Variants in ASTN1 observed in about 807,000 individuals in gnomAD.
ASTN1 encodes astrotactin-1.
Under a neutral mutation model 140.7 loss-of-function variants are expected in ASTN1, and 41 were observed. The ratio of observed to expected loss-of-function variants is 0.29; its 90% CI spans 0.23 to 0.38. The LOEUF is 0.38. Among genes scored for constraint, ASTN1 ranks in the 10% least tolerant of loss-of-function variants. ASTN1 has a pLI of 1.00. For synonymous variants in ASTN1, 640 were observed against 652.2 expected, an observed-to-expected ratio of 0.98 and a Z score of 0.29; for missense variants, 1,479 against 1,678.8, an observed-to-expected ratio of 0.88 and a Z score of 2.08.
At chr1:176,964,033 A>G (rs1184996707) in intron 9 of ASTN1, among the ~76,000 whole-genome samples, 3 of 152,192 alleles carry the variant, frequency 2.0e-5, no homozygotes. Flanking sequence ...AGCACGCCTA[A>G]TAGAACACTG....
chr1:177,023,618 C>T (rs372315887), intron 6 of ASTN1, 47 bp from the exon 7 acceptor site: 5 of 1,492,982 alleles, frequency 3.3e-6, no homozygotes, highest in Admixed American at 2.5e-5. Context: ...CAACACAGCA[C>T]ACGTCCACAA....
At chr1:177,091,086 A>G (rs1415947683) in intron 1 of ASTN1, among the ~76,000 whole-genome samples, 2 of 152,256 alleles carry the variant, frequency 1.3e-5, no homozygotes, top group East Asian at 1.9e-4. Flanking sequence ...ATGAAAAAAA[A>G]TAAACTTCTG....
At chr1:176,994,738 A>T (rs1674357858) in intron 8 of ASTN1, among the ~76,000 whole-genome samples, 1 of 152,120 alleles carries the variant, frequency 6.6e-6, no homozygotes, top group African/African-American at 2.4e-5. Context: ...TTCACCTATA[A>T]AGTGGAGATG....
Position 176,949,281 on chromosome 1 carries a change from G to A in ASTN1, c.1958C>T (p.Ser653Phe). ...CYDRHIGVDC[S>F]DGFNGGCEQL... The stretch of plus-strand genomic sequence containing the variant: ...CTCACAGCCGCCGTTGAAGCCGTCG[G>A]AACAGTCCACCCCGATGTGGCGGTC... Residue 653 changes from serine (S) to phenylalanine (F), a missense_variant, in exon 12 of 23, where the codon TCC becomes TTC. By Grantham distance (155) the Ser-to-Phe change is radical. Coordinates refer to ENST00000361833, the MANE Select transcript of ASTN1 (RefSeq NM_004319.3). 6.2e-7 allele frequency: 1 copy of A among 1,614,136 alleles called. No homozygotes were observed.
intron 1 of ASTN1, among the ~76,000 whole-genome samples, chr1:177,134,836 T>A (rs1159659606): frequency 1.3e-5 from 2 of 152,156 alleles, no homozygotes; most frequent in Admixed American, 6.5e-5. Context: ...TCAGATAAGT[T>A]TTGAGAAATG....
At chr1:176,968,404 T>C (rs564753558) in intron 8 of ASTN1, among the ~76,000 whole-genome samples, 4 of 152,336 alleles carry the variant, frequency 2.6e-5, no homozygotes, top group South Asian at 4.1e-4. Context: ...ACTCAGATTA[T>C]AGATGTCTTC....
intron 8 of ASTN1, among the ~76,000 whole-genome samples, chr1:176,965,961 T>A (rs1224994529): frequency 6.6e-6 from 1 of 152,218 alleles, no homozygotes; most frequent in Non-Finnish European, 1.5e-5. Context: ...TATTGTCACA[T>A]GTATTAGAAA....
intron 1 of ASTN1, among the ~76,000 whole-genome samples, chr1:177,120,859 CCTAA>C (rs1321769426): frequency 1.3e-5 from 2 of 152,134 alleles, no homozygotes; most frequent in African/African-American, 4.8e-5. Flanking sequence ...CTAGCAGCAG[CCTAA>C]CTCTCTCTTC....
intron 1 of ASTN1, among the ~76,000 whole-genome samples, chr1:177,068,716 G>A (rs1421158409): frequency 6.6e-6 from 1 of 152,016 alleles, no homozygotes; most frequent in Non-Finnish European, 1.5e-5. Context: ...TCAGATGCAC[G>A]CTGTTTTTTC....
At chr1:176,991,327 C>A (rs187861927) in intron 8 of ASTN1, among the ~76,000 whole-genome samples, 1 of 150,202 alleles carries the variant, frequency 6.7e-6, no homozygotes, top group African/African-American at 2.4e-5. Context: ...GCAGGAGAAT[C>A]GCTTGAACCT....
At chr1:176,975,479 A>C (rs1427275538) in intron 8 of ASTN1, among the ~76,000 whole-genome samples, 1 of 152,234 alleles carries the variant, frequency 6.6e-6, no homozygotes, top group Non-Finnish European at 1.5e-5. Flanking sequence ...TTGAGTCTAC[A>C]TACAGGGCTG....
At chr1:176,997,997 A>T (rs1674536417) in intron 8 of ASTN1, among the ~76,000 whole-genome samples, 1 of 152,174 alleles carries the variant, frequency 6.6e-6, no homozygotes, top group Non-Finnish European at 1.5e-5. Context: ...AAGCAGTTCA[A>T]TCGGGCTTTG....
chr1:177,082,538 G>C (rs1679231484), intron 1 of ASTN1, among the ~76,000 whole-genome samples: 1 of 152,094 alleles, frequency 6.6e-6, no homozygotes, highest in Admixed American at 6.6e-5. Context: ...TCACACAAAG[G>C]GTACAGCATG....
At chr1:177,154,141 G>A (rs182732581) in intron 1 of ASTN1, among the ~76,000 whole-genome samples, 64 of 152,186 alleles carry the variant, frequency 4.2e-4, no homozygotes, top group African/African-American at 1.5e-3. Context: ...AATGATAACT[G>A]GAGTATTATT....
At chr1:177,016,143 G>A (rs2101942061) in intron 7 of ASTN1, among the ~76,000 whole-genome samples, 2 of 152,214 alleles carry the variant, frequency 1.3e-5, no homozygotes, top group Middle Eastern at 6.8e-3. Flanking sequence ...GAAGGTATTG[G>A]ATAGGGCCTG....
intron 9 of ASTN1, among the ~76,000 whole-genome samples, chr1:176,961,462 T>C (rs866643877): frequency 3.9e-5 from 6 of 152,182 alleles, no homozygotes; most frequent in South Asian, 2.1e-4. Flanking sequence ...AAGGGGCAGG[T>C]GCTCTGTAGC....
rs553945463 is a variant in ASTN1, at chr1:176,936,380, G to T, written c.2378-10C>A. 6.8e-6 allele frequency: 11 copies of T among 1,606,016 alleles called. 1 individual carries two copies. In the Admixed American group the frequency reaches 1.0e-4, roughly 15 times the overall value. On this transcript the variant is annotated splice_polypyrimidine_tract_variant and intron_variant, in intron 14 of 22. Transcript: ENST00000361833. The stretch of plus-strand genomic sequence containing the variant: ...CTGAAGTTCACCATCCCTAAGGACA[G>T]AAGAGATGTAAGCTGAGTTCTGATA...
intron 17 of ASTN1, among the ~76,000 whole-genome samples, chr1:176,890,407 G>A (rs1051371113): frequency 2.6e-5 from 4 of 152,100 alleles, no homozygotes; most frequent in African/African-American, 4.8e-5. Context: ...ATGTCAACAA[G>A]ACCAGCCTGG....
chr1:177,103,438 T>C (rs780743821), intron 1 of ASTN1, among the ~76,000 whole-genome samples: 37 of 152,122 alleles, frequency 2.4e-4, no homozygotes, highest in Non-Finnish European at 3.8e-4. Context: ...GATAGGGCAC[T>C]GGGCGAATTG....
Sources: allele counts gnomAD v4.1 joint callset (sites outside exome capture counted in the v4.1 genomes callset), GRCh38; gene constraint gnomAD v4.1.1; transcripts MANE v1.5; gene names NCBI Gene and HGNC (gene_info 2026-07-23, HGNC 2026-07-21).